The following RBBP8NL variants were observed in gnomAD, a reference collection of about 807,000 sequenced individuals.
RBBP8NL encodes RBBP8 N-terminal like.
A neutral mutation model predicts 62.2 loss-of-function variants in RBBP8NL; 59 were observed. The observed-to-expected ratio is 0.95, with a 90% confidence interval of 0.77 to 1.18. The LOEUF (loss-of-function observed/expected upper bound fraction) is 1.18. Among genes scored for constraint, RBBP8NL ranks in the 50% most tolerant of loss-of-function variants. The pLI is 0.00. For missense variants in RBBP8NL, 896 were observed against 899.5 expected (o/e 1.00, Z 0.05); for synonymous variants, 412 against 394.1 (o/e 1.05, Z -0.54).
chr20:62,413,540 G>C lies in RBBP8NL; in HGVS notation c.1536C>G (p.Pro512=). ...GCTGGGACCCTGGAAGTGGGCGTGA[G>C]GGGTCCTGGGGGGAGGCAAGTAGGT... ...EQEEASTPMD[P]SRPLPGSQLS... The change falls in exon 11 of 14, where the codon CCC becomes CCG. Residue 512 remains proline (P), a synonymous_variant. Transcript: ENST00000252998. 5 of 1,517,360 alleles carry C rather than the reference G, an allele frequency of 3.3e-6. No individual in the cohort carries two copies. Among genetic ancestry groups the C allele is most frequent in the Non-Finnish European group, 4.4e-6 (5 of 1,138,310 alleles). 94.0% of individuals were successfully genotyped at this position (1,517,360 alleles called of 1,614,324 possible). A position where few individuals can be genotyped will look rare whatever the true frequency, so the allele number is the denominator to read the frequency against.
In RBBP8NL at chr20:62,410,354, G is replaced by A. The variant is rs569567526; in HGVS notation, c.*524C>T. The A allele has an allele frequency of 6.5e-6, 1 of 154,010 alleles. No homozygotes were observed. Among genetic ancestry groups the A allele is most frequent in the Admixed American group, 6.4e-5 (1 of 15,550 alleles). 9.5% of individuals were successfully genotyped at this position (154,010 alleles called of 1,614,324 possible). ...ACATCTGTTTGCTGTCAGCCCACGA[G>A]GGGGCGTCCAAGATTGTGCTTGGAG... On this transcript the variant is annotated 3_prime_UTR_variant, in exon 14 of 14. Coordinates refer to ENST00000252998, the MANE Select transcript of RBBP8NL (RefSeq NM_080833.3).
rs1216479958 is a variant in RBBP8NL at position 62,414,151 on chromosome 20, C to T, written c.1200G>A (p.Glu400=). The change falls in exon 10 of 14, where the codon GAG becomes GAA. Residue 400 remains glutamate (E), a synonymous_variant. Coordinates refer to ENST00000252998, the MANE Select transcript of RBBP8NL (RefSeq NM_080833.3). ...VGSDSEGPEN[E]GTRAALAAAG... ...CTGCGGCCAGAGCTGCCCTGGTCCCCTCATTCTCAGGGCCCTCAGAGTCTG... is the reference window on the plus strand; with the variant it reads ...CTGCGGCCAGAGCTGCCCTGGTCCCTTCATTCTCAGGGCCCTCAGAGTCTG... 6.2e-7 allele frequency: 1 copy of T among 1,606,674 alleles called. No homozygotes were observed. The highest frequency in any genetic ancestry group is 1.3e-5 in the African/African-American group (1 of 74,868).
intron 13 of RBBP8NL, among the ~76,000 whole-genome samples, chr20:62,411,847 G>A (rs903902930): frequency 8.5e-5 from 13 of 152,248 alleles, no homozygotes; most frequent in Non-Finnish European, 4.4e-5. Context: ...CTCTACTGCC[G>A]CTCCGGGCAG....
In RBBP8NL at chr20:62,410,895, G is replaced by A. The variant is rs1395854877; in HGVS notation, c.1978C>T (p.Pro660Ser). The A allele has an allele frequency of 1.2e-6, 2 of 1,612,572 alleles. No individual in the cohort carries two copies. The highest frequency in any genetic ancestry group is 1.3e-5 in the African/African-American group (1 of 74,928). ...CAGGCTGGCTAGGTCTCCTCCCAGG[G>A]GCTGCTGTTGGGGGAGGGACTGTGG... ...EDHSPSPNSS[P>S]WEET The change falls in exon 14 of 14, where the codon CCC (proline) becomes TCC (serine). Residue 660 changes from proline to serine, a missense_variant. Transcript: ENST00000252998.
At chr20:62,417,922 ACGCAACGCCCCCCCAG>A (rs1988615519) in intron 3 of RBBP8NL, among the ~76,000 whole-genome samples, 1 of 54,028 alleles carries the variant, frequency 1.9e-5, no homozygotes, top group African/African-American at 9.6e-5. Flanking sequence ...TGTCCTGTCC[ACGCAACGCCCCCCCAG>A]TCATCTGCAC....
intron 5 of RBBP8NL, 50 bp downstream of exon 5, chr20:62,416,707 GGTC>G: frequency 3.1e-6 from 4 of 1,297,330 alleles, no homozygotes; most frequent in Non-Finnish European, 4.4e-6. Flanking sequence ...ACAGGCCTGG[GGTC>G]GCCTGGCCCC....
At chr20:62,427,148 G>A (rs1988829004) in intron 1 of RBBP8NL, among the ~76,000 whole-genome samples, 1 of 152,212 alleles carries the variant, frequency 6.6e-6, no homozygotes, top group Non-Finnish European at 1.5e-5. Context: ...GAGGCCACCA[G>A]CCTGTCCCTG....
In RBBP8NL at chr20:62,415,879, G is replaced by T; in HGVS notation, c.453C>A (p.Ser151=). ...SDPPSPLLLP[S]PGGWKAITEK... ...CTGTGATGGCCTTCCAGCCACCAGG[G>T]GAGGGGAGCAGCAGGGGTGAGGGGG... is the stretch of plus-strand genomic sequence containing the variant. Residue 151 remains serine (S), a synonymous_variant, in exon 7 of 14, where the codon TCC becomes TCA. Transcript: ENST00000252998. The T allele has an allele frequency of 6.2e-7, 1 of 1,609,164 alleles. No homozygotes were observed. The highest frequency in any genetic ancestry group is 8.5e-7 in the Non-Finnish European group (1 of 1,178,812).
At chr20:62,416,352 G>A in intron 5 of RBBP8NL, 116 bp from the exon 6 acceptor site, 1 of 936,428 alleles carries the variant, frequency 1.1e-6, no homozygotes, top group Non-Finnish European at 1.7e-6. Context: ...GTAGCCCAGG[G>A]CCTGGCAGGC....
At chr20:62,417,452 G>T in intron 3 of RBBP8NL, 133 bp from the exon 4 acceptor site, 1 of 639,036 alleles carries the variant, frequency 1.6e-6, no homozygotes. Context: ...CTAACCCGGT[G>T]CCCCCCTCCC....
intron 1 of RBBP8NL, among the ~76,000 whole-genome samples, chr20:62,421,685 C>T (rs1354359945): frequency 7.0e-6 from 1 of 141,962 alleles, no homozygotes; most frequent in African/African-American, 2.7e-5. Context: ...ATGCTCAAGC[C>T]AGTGTGCATG....
In RBBP8NL at chr20:62,415,845, G is replaced by T. The variant is rs1988551783; in HGVS notation, c.487C>A (p.Pro163Thr). 6.2e-7 allele frequency: 1 copy of T among 1,612,194 alleles called. No individual in the cohort carries two copies. The highest frequency in any genetic ancestry group is 8.5e-7 in the Non-Finnish European group (1 of 1,179,830). ...TCCTCAGCCTCCTCGTGGCCTCCCGGTGGCTTCTCTGTGATGGCCTTCCAG... is the reference window on the plus strand; with the variant it reads ...TCCTCAGCCTCCTCGTGGCCTCCCGTTGGCTTCTCTGTGATGGCCTTCCAG... ...GGWKAITEKP[P>T]GGHEEAEEDH... Residue 163 changes from proline to threonine, a missense_variant, in exon 7 of 14, where the codon CCG (proline) becomes ACG (threonine). By Grantham distance (38) the Pro-to-Thr change is conservative. Transcript: ENST00000252998.
intron 1 of RBBP8NL, among the ~76,000 whole-genome samples, chr20:62,422,026 C>A (rs1262061456): frequency 6.6e-6 from 1 of 152,180 alleles, no homozygotes; most frequent in Non-Finnish European, 1.5e-5. Flanking sequence ...TTCCCTGAAC[C>A]CCCTGCCTCC....
Position 62,415,670 on chromosome 20 carries a change from G to A in RBBP8NL, c.545-10C>T, listed in dbSNP as rs1226633559. 1.2e-6 allele frequency: 2 copies of A among 1,612,638 alleles called. No individual in the cohort carries two copies. The highest frequency in any genetic ancestry group is 1.7e-6 in the Non-Finnish European group (2 of 1,179,672). On this transcript the variant is annotated splice_polypyrimidine_tract_variant and intron_variant, in intron 7 of 13. Coordinates refer to ENST00000252998, the MANE Select transcript of RBBP8NL (RefSeq NM_080833.3). ...TGCCCTGCTGGCTTTTCTGTGGGAG[G>A]AGAAGCCAGGGGCAAGAGCTTGGGA...
Position 62,415,895 on chromosome 20 carries a change from G to T in RBBP8NL, c.437C>A (p.Pro146His). The T allele has an allele frequency of 6.3e-7, 1 of 1,596,408 alleles. No homozygotes were observed. The highest frequency in any genetic ancestry group is 1.3e-5 in the African/African-American group (1 of 74,364). The change falls in exon 7 of 14, where the codon CCC becomes CAC. Residue 146 changes from proline to histidine, a missense_variant. Coordinates refer to ENST00000252998, the MANE Select transcript of RBBP8NL (RefSeq NM_080833.3). ...GCCACCAGGGGAGGGGAGCAGCAGG[G>T]GTGAGGGGGGGTCCGAGGTGCCCTC... ...AKEGTSDPPSPLLLPSPGGWK... is the reference protein window; with the variant it reads ...AKEGTSDPPSHLLLPSPGGWK...
Position 62,413,517 on chromosome 20 carries a change from T to C in RBBP8NL, c.1559A>G (p.Gln520Arg). ...MDPSRPLPGS[Q>R]LSLSSPGSTE... is the part of the protein sequence containing the mutation. ...ACTGCCTGGAGAGGACAGGCTGAGC[T>C]GGGACCCTGGAAGTGGGCGTGAGGG... Residue 520 changes from glutamine to arginine, a missense_variant, in exon 11 of 14, where the codon CAG becomes CGG. Coordinates refer to ENST00000252998, the MANE Select transcript of RBBP8NL (RefSeq NM_080833.3). 6.6e-7 allele frequency: 1 copy of C among 1,523,530 alleles called. No homozygotes were observed. The highest frequency in any genetic ancestry group is 8.8e-7 in the Non-Finnish European group (1 of 1,142,400). 94.4% of individuals were successfully genotyped at this position (1,523,530 alleles called of 1,614,324 possible).
chr20:62,417,446 C>G (rs1191843513), intron 3 of RBBP8NL, 127 bp from the exon 4 acceptor site: 2 of 645,558 alleles, frequency 3.1e-6, no homozygotes, highest in Non-Finnish European at 5.1e-6. Context: ...CAACGCCTAA[C>G]CCGGTGCCCC....
At chr20:62,412,590 C>T in intron 13 of RBBP8NL, 34 bp downstream of exon 13, 1 of 1,596,290 alleles carries the variant, frequency 6.3e-7, no homozygotes, top group Non-Finnish European at 8.5e-7. Flanking sequence ...CTCCCCTCGC[C>T]CCCTTCCCTG....
intron 13 of RBBP8NL, among the ~76,000 whole-genome samples, chr20:62,411,332 C>G (rs530817383): frequency 2.0e-5 from 3 of 152,348 alleles, no homozygotes; most frequent in African/African-American, 7.2e-5. Context: ...GGCCTGCCCC[C>G]GGGCTAGGGC....
Sources: allele counts gnomAD v4.1 joint callset (sites outside exome capture counted in the v4.1 genomes callset), GRCh38; gene constraint gnomAD v4.1.1; transcripts MANE v1.5; gene names NCBI Gene and HGNC (gene_info 2026-07-23, HGNC 2026-07-21).